The following DHRS12 variants were observed in gnomAD, a reference collection of about 807,000 sequenced individuals.
The protein encoded by DHRS12 is dehydrogenase/reductase 12, also known as dehydrogenase/reductase SDR family member 12.
A neutral mutation model predicts 32.1 loss-of-function variants in DHRS12; 29 were observed. The observed-to-expected ratio is 0.90, with a 90% CI of 0.67 to 1.23. DHRS12 has a LOEUF of 1.23. Among genes scored for constraint, DHRS12 ranks in the 50% most tolerant of loss-of-function variants. The pLI, the probability that DHRS12 is intolerant of heterozygous loss-of-function variation, is 0.00. For missense variants in DHRS12, 330 were observed against 337.2 expected (o/e 0.98, Z 0.17); for synonymous variants, 150 against 135.9 (o/e 1.10, Z -0.72).
At chr13:51,780,579 C>T (rs920906258) in intron 4 of DHRS12, among the ~76,000 whole-genome samples, 43 of 152,176 alleles carry the variant, frequency 2.8e-4, no homozygotes, top group African/African-American at 9.9e-4. Flanking sequence ...CGGTTCATTA[C>T]GAGAAAGAGA....
At chr13:51,787,853 TATATATAATATATAA>T (rs1157794079) in intron 4 of DHRS12, among the ~76,000 whole-genome samples, 1 of 121,176 alleles carries the variant, frequency 8.3e-6, no homozygotes, top group Admixed American at 1.0e-4. Flanking sequence ...AATATATAAT[TATATATAATATATAA>T]ATATATAATT....
intron 2 of DHRS12, among the ~76,000 whole-genome samples, chr13:51,794,251 G>A (rs1180430538): frequency 6.6e-6 from 1 of 152,184 alleles, no homozygotes; most frequent in Non-Finnish European, 1.5e-5. Flanking sequence ...AACTCAACTG[G>A]GACCCTTTCT....
the DHRS12 span, among the ~76,000 whole-genome samples, chr13:51,757,445 T>C: frequency 7.0e-6 from 1 of 143,532 alleles, no homozygotes; most frequent in Non-Finnish European, 1.5e-5. Context: ...CAGATTTAGC[T>C]ATAGAAAAAA....
chr13:51,755,259 A>T, the DHRS12 span: 1 of 1,122,192 alleles, frequency 8.9e-7, no homozygotes, highest in Non-Finnish European at 1.3e-6. Flanking sequence ...TGTTTCTTTT[A>T]AACACATCCT....
chr13:51,804,151 C>T lies in DHRS12; in HGVS notation c.-106G>A. The T allele has an allele frequency of 7.0e-7, 1 of 1,438,516 alleles. No homozygotes were observed. Among genetic ancestry groups the T allele is most frequent in the Non-Finnish European group, 9.1e-7 (1 of 1,099,584 alleles). The allele number at this position is 1,438,516 out of a possible 1,614,324, so 89.1% of individuals were successfully genotyped here. On this transcript the variant is annotated 5_prime_UTR_variant, in exon 1 of 9. Transcript: ENST00000444610. ...GCCTAGCCCCACCGCGCTCCCGGCG[C>T]GGCCTCCGCCCTGGTCCCGCCCCCC...
At chr13:51,762,174 A>G in the DHRS12 span, 1 of 152,268 alleles carries the variant, frequency 6.6e-6, no homozygotes, top group Non-Finnish European at 1.5e-5. Flanking sequence ...CTGCCGGCAG[A>G]GAGAGGAACA....
At chr13:51,783,279 C>T (rs1036683347) in intron 4 of DHRS12, among the ~76,000 whole-genome samples, 3 of 152,258 alleles carry the variant, frequency 2.0e-5, no homozygotes, top group African/African-American at 7.2e-5. Flanking sequence ...CCAGCCTCCC[C>T]TGTGGCCTGA....
At position 51,769,154 on chromosome 13, in the gene DHRS12, AC is replaced by A. The variant is rs765882230; in HGVS notation, c.697+1del. The A allele has an allele frequency of 3.2e-6, 5 of 1,549,178 alleles. No individual in the cohort carries two copies. Among genetic ancestry groups the A allele is most frequent in the South Asian group, 2.4e-5 (2 of 84,022 alleles). ...TGCCTTCACAGCCAGGGAGGAAGTC[AC>A]CTTGAAAGAAGCGGCCGCTGGGCTG... On this transcript the variant is annotated splice_donor_variant, in intron 8 of 8. Transcript: ENST00000444610. LOFTEE classifies it high-confidence loss of function.
chr13:51,793,185 T>C (rs1258968588), intron 2 of DHRS12, among the ~76,000 whole-genome samples: 1 of 152,200 alleles, frequency 6.6e-6, no homozygotes, highest in East Asian at 1.9e-4. Context: ...TAATGGATCT[T>C]GGCTGTTTAA....
At chr13:51,771,468 A>G (rs769549582) in intron 7 of DHRS12, 12 of 1,614,022 alleles carry the variant, frequency 7.4e-6, no homozygotes, top group Non-Finnish European at 9.3e-6. Context: ...CTCTCCCACT[A>G]CCTTCCTCAG....
Position 51,791,226 on chromosome 13 carries a change from T to C in DHRS12, c.158A>G (p.Asp53Gly). Residue 53 changes from aspartate (D) to glycine (G), a missense_variant, in exon 3 of 9, where the codon GAT becomes GGT. Physicochemically the swap from Asp to Gly is moderately conservative, Grantham distance 94. Coordinates refer to ENST00000444610, the MANE Select transcript of DHRS12 (RefSeq NM_001377533.1). Reference protein sequence around the residue: ...NIFLHIVDLSDPKQIWKFVEN... With the variant: ...NIFLHIVDLSGPKQIWKFVEN... ...AACAAATTTCCAGATTTGCTTGGGATCAGACAAGTCCACAATGTGCAGAAA... is the reference window on the plus strand; with the variant it reads ...AACAAATTTCCAGATTTGCTTGGGACCAGACAAGTCCACAATGTGCAGAAA... The C allele has an allele frequency of 6.4e-7, 1 of 1,567,252 alleles. No homozygotes were observed. The highest frequency in any genetic ancestry group is 1.2e-5 in the South Asian group (1 of 84,426).
chr13:51,776,941 T>A, intron 5 of DHRS12, 119 bp downstream of exon 5: 2 of 1,111,510 alleles, frequency 1.8e-6, no homozygotes, highest in East Asian at 2.4e-5. Context: ...ATTGAGGTTT[T>A]GCTGTGGATG....
chr13:51,770,495 A>G (rs1342104238), intron 7 of DHRS12, among the ~76,000 whole-genome samples: 2 of 152,200 alleles, frequency 1.3e-5, no homozygotes, highest in Admixed American at 1.3e-4. Context: ...ATGGCCTCCT[A>G]GAATTCACCC....
the DHRS12 span, chr13:51,756,469 T>A: frequency 1.9e-6 from 3 of 1,612,592 alleles, no homozygotes; most frequent in Non-Finnish European, 2.5e-6. Context: ...AAGAGTAAGT[T>A]CCTGCAGCCT....
intron 1 of DHRS12, chr13:51,803,800 G>A: frequency 3.0e-6 from 1 of 328,122 alleles, no homozygotes; most frequent in Non-Finnish European, 5.5e-6. Context: ...GACGGCCCTG[G>A]GCTTGGGCGC....
intron 6 of DHRS12, 107 bp downstream of exon 6, chr13:51,773,823 G>T: frequency 1.1e-6 from 1 of 907,846 alleles, no homozygotes; most frequent in Non-Finnish European, 1.8e-6. Flanking sequence ...GGTGCTGCAT[G>T]AACTACTAAG....
the DHRS12 span, chr13:51,762,630 T>A: frequency 6.6e-6 from 1 of 152,364 alleles, no homozygotes; most frequent in Admixed American, 6.5e-5. Context: ...TTTATGGAAA[T>A]GGAGGCTCCA....
At chr13:51,767,469 C>T (rs1953785403), downstream of DHRS12, 1 of 152,098 alleles carries the variant, frequency 6.6e-6, no homozygotes, top group African/African-American at 2.4e-5. Context: ...TCTGGGTTTT[C>T]CTCTGCTATG....
intron 4 of DHRS12, among the ~76,000 whole-genome samples, chr13:51,784,532 T>C (rs1036767655): frequency 6.6e-6 from 1 of 152,174 alleles, no homozygotes; most frequent in African/African-American, 2.4e-5. Context: ...TAATTCCAGG[T>C]TAAGGAATCT....
Sources: gnomAD v4.1 joint callset for allele counts (sites outside exome capture counted in the v4.1 genomes callset) on GRCh38, gnomAD v4.1.1 for gene constraint, MANE v1.5 for transcripts, NCBI Gene and HGNC (gene_info 2026-07-23, HGNC 2026-07-21) for gene names.